The following PIAS3 variants were observed in gnomAD, a reference collection of about 807,000 sequenced individuals.
The protein encoded by PIAS3 is E3 SUMO-protein ligase PIAS3.
Under a neutral mutation model 67.6 loss-of-function variants are expected in PIAS3, and 34 were observed. That is an observed-to-expected ratio of 0.50 (90% CI 0.38 to 0.67). The LOEUF is 0.67. Ranked by LOEUF, PIAS3 falls within the 30% of genes least tolerant of loss-of-function variation. PIAS3 has a pLI of 0.00. For synonymous variants in PIAS3, 341 were observed against 313.8 expected, an observed-to-expected ratio of 1.09 and a Z score of -0.92; for missense variants, 693 against 791.6, an observed-to-expected ratio of 0.88 and a Z score of 1.49.
At chr1:145,858,568 G>A (rs148220219) in intron 1 of PIAS3, among the ~76,000 whole-genome samples, 1 of 147,182 alleles carries the variant, frequency 6.8e-6, no homozygotes, top group Admixed American at 6.8e-5. Flanking sequence ...CGTCTGCCCC[G>A]CGGTCCCATC....
At chr1:145,857,143 AT>A in intron 1 of PIAS3, 137 bp from the exon 2 acceptor site, 1 of 763,242 alleles carries the variant, frequency 1.3e-6, no homozygotes, top group African/African-American at 1.7e-5. Context: ...CAGCTAGTGG[AT>A]TACTGCCAGG....
In PIAS3 at chr1:145,850,210, T is replaced by C. The variant is rs1292853227; in HGVS notation, c.1620+22A>G. 6.8e-6 allele frequency: 11 copies of C among 1,613,996 alleles called. No homozygotes were observed. In the African/African-American group the frequency reaches 1.5e-4, roughly 22 times the overall value. On this transcript the variant is annotated intron_variant, in intron 13 of 13. Coordinates refer to ENST00000393045, the MANE Select transcript of PIAS3 (RefSeq NM_006099.3). The stretch of plus-strand genomic sequence containing the variant: ...AAGGAAGCTTCAGAGATCTGAGACC[T>C]TCTGAAGAAAGAACCACTTACCTGA...
chr1:145,849,527 G>T lies in PIAS3; in HGVS notation c.1806C>A (p.Ala602=). Residue 602 remains alanine, a synonymous_variant, in exon 14 of 14, where the codon GCC becomes GCA. Coordinates refer to ENST00000393045, the MANE Select transcript of PIAS3 (RefSeq NM_006099.3). ...RVSSIVAPGG[A]LREGHGGPLP... ...GGGGTCCTCCATGCCCCTCCCTCAAGGCCCCCCCAGGGGCCACAATGCTGC... is the reference window on the plus strand; with the variant it reads ...GGGGTCCTCCATGCCCCTCCCTCAATGCCCCCCCAGGGGCCACAATGCTGC... The T allele has an allele frequency of 6.3e-7, 1 of 1,580,772 alleles. No individual in the cohort carries two copies. The highest frequency in any genetic ancestry group is 8.6e-7 in the Non-Finnish European group (1 of 1,166,456).
rs782683908 is a variant in PIAS3, at chr1:145,856,897, A to G, written c.134T>C (p.Leu45Pro). Reference sequence around the variant, plus strand: ...GACACTAGGGGCACAGCTGGACTTCAGGAGGTGCAGAGCCTTGGCCAGGAG... The same window carrying G: ...GACACTAGGGGCACAGCTGGACTTCGGGAGGTGCAGAGCCTTGGCCAGGAG... ...HELLAKALHLLKSSCAPSVQM... is the reference protein window; with the variant it reads ...HELLAKALHLPKSSCAPSVQM... Residue 45 changes from leucine (L) to proline (P), a missense_variant, in exon 2 of 14, where the codon CTG (leucine) becomes CCG (proline). By Grantham distance (98) the Leu-to-Pro change is moderately conservative. Transcript: ENST00000393045. 6.2e-7 allele frequency: 1 copy of G among 1,614,170 alleles called. No homozygotes were observed. The highest frequency in any genetic ancestry group is 1.1e-5 in the South Asian group (1 of 91,086).
At chr1:145,856,234 G>A (rs1394561168) in intron 3 of PIAS3, 113 bp downstream of exon 3, 4 of 1,253,082 alleles carry the variant, frequency 3.2e-6, no homozygotes, top group Non-Finnish European at 4.7e-6. Flanking sequence ...ACACACAGAA[G>A]AACAAGAGAC....
Position 145,848,941 on chromosome 1 carries a change from G to C in PIAS3, c.*505C>G, listed in dbSNP as rs1415145059. 2 of 160,620 alleles carry C rather than the reference G, an allele frequency of 1.2e-5. No homozygotes were observed. The highest frequency in any genetic ancestry group is 2.7e-5 in the Non-Finnish European group (2 of 73,866). The allele number at this position is 160,620 out of a possible 1,614,324, so 9.9% of individuals were successfully genotyped here. ...TCCACAATCCAAAATAAAGTTCTCTGTCCATCTCTGAAACTGCCTGTCTCA... is the reference window on the plus strand; with the variant it reads ...TCCACAATCCAAAATAAAGTTCTCTCTCCATCTCTGAAACTGCCTGTCTCA... On this transcript the variant is annotated 3_prime_UTR_variant, in exon 14 of 14. Coordinates refer to ENST00000393045, the MANE Select transcript of PIAS3 (RefSeq NM_006099.3).
In PIAS3 at chr1:145,856,344, T is replaced by C; in HGVS notation, c.527+3A>G. 6.2e-7 allele frequency: 1 copy of C among 1,611,508 alleles called. No individual in the cohort carries two copies. Among genetic ancestry groups the C allele is most frequent in the Non-Finnish European group, 8.5e-7 (1 of 1,177,572 alleles). On this transcript the variant is annotated splice_donor_region_variant and intron_variant, in intron 3 of 13. Coordinates refer to ENST00000393045, the MANE Select transcript of PIAS3 (RefSeq NM_006099.3). Reference sequence around the variant, plus strand: ...TGAGGCAGGAAGACTGGAAGAGATGTACCTGGATGTAAGAATCTGCTGCAC... The same window carrying C: ...TGAGGCAGGAAGACTGGAAGAGATGCACCTGGATGTAAGAATCTGCTGCAC...
rs879968995 is a variant in PIAS3, at chr1:145,853,885, G to A, written c.912C>T (p.Ile304=). Residue 304 remains isoleucine (I), a splice_region_variant and synonymous_variant, in exon 8 of 14, where the codon ATC becomes ATT. Coordinates refer to ENST00000393045, the MANE Select transcript of PIAS3 (RefSeq NM_006099.3). ...IRNPDHSRAL[I]KEKLTADPDS... is the part of the protein sequence containing the mutation. ...CAGGGTCAGCAGTCAATTTCTCCTT[G>A]ACTGAAACAAAAGTGAGGCCAGAGC... is the stretch of plus-strand genomic sequence containing the variant. The A allele has an allele frequency of 6.2e-7, 1 of 1,613,784 alleles. No individual in the cohort carries two copies. The highest frequency in any genetic ancestry group is 1.1e-5 in the South Asian group (1 of 91,052).
At position 145,859,000 on chromosome 1, in the gene PIAS3, T is replaced by A; in HGVS notation, c.-10A>T. On this transcript the variant is annotated 5_prime_UTR_variant, in exon 1 of 14. An upstream start codon of the reference 5' UTR is lost. Transcript: ENST00000393045. Reference sequence around the variant, plus strand: ...CGCCCAGCTCCGCCATCTTGAGACATCGCAGGCGCCCCAGCCGGAGCCGGA... The same window carrying A: ...CGCCCAGCTCCGCCATCTTGAGACAACGCAGGCGCCCCAGCCGGAGCCGGA... The A allele has an allele frequency of 6.5e-7, 1 of 1,543,344 alleles. No homozygotes were observed. The highest frequency in any genetic ancestry group is 8.7e-7 in the Non-Finnish European group (1 of 1,145,844).
At chr1:145,853,409 CAAAAAAAAAAA>C (rs1184423864) in intron 9 of PIAS3, 84 bp downstream of exon 9, 2 of 689,930 alleles carry the variant, frequency 2.9e-6, no homozygotes, top group African/African-American at 5.6e-5. Context: ...GATTCCATCT[CAAAAAAAAAAA>C]AAAGAAAAGA....
Position 145,853,560 on chromosome 1 carries a change from T to G in PIAS3, c.1089A>C (p.Thr363=), listed in dbSNP as rs10910827. The part of the protein sequence containing the change: ...LYLQMNEKKP[T]WTCPVCDKKA... Reference sequence around the variant, plus strand: ...TCTTGTCACACACAGGACATGTCCATGTAGGCTTCTTCTCATTCATCTGTA... The same window carrying G: ...TCTTGTCACACACAGGACATGTCCAGGTAGGCTTCTTCTCATTCATCTGTA... The change falls in exon 9 of 14, where the codon ACA becomes ACC. Residue 363 remains threonine, a synonymous_variant. Transcript: ENST00000393045. 1.2e-6 allele frequency: 2 copies of G among 1,613,996 alleles called. No individual in the cohort carries two copies. The highest frequency in any genetic ancestry group is 2.7e-5 in the African/African-American group (2 of 74,896).
intron 1 of PIAS3, 138 bp downstream of exon 1, chr1:145,858,829 T>A: frequency 1.4e-6 from 1 of 731,242 alleles, no homozygotes; most frequent in East Asian, 3.6e-5. Flanking sequence ...CTCAGCTACT[T>A]CTCTCCCATC....
At chr1:145,856,149 A>G in intron 3 of PIAS3, 31 bp from the exon 4 acceptor site, 1 of 1,596,902 alleles carries the variant, frequency 6.3e-7, no homozygotes, top group Non-Finnish European at 8.6e-7. Flanking sequence ...AAGAGATGTC[A>G]GCATGTAGCC....
In PIAS3 at chr1:145,851,130, G is replaced by C. The variant is rs17354559; in HGVS notation, c.1169C>G (p.Ser390Cys). Reference protein sequence around the residue: ...IDGLFMEILSSCSDCDEIQFM... With the variant: ...IDGLFMEILSCCSDCDEIQFM... ...TTGGATCTCATCACAATCTGAACAG[G>C]AACTAAGAATCTCCATAAATAAACT... The change falls in exon 10 of 14, where the codon TCC (serine) becomes TGC (cysteine). Residue 390 changes from serine to cysteine, a missense_variant. Around this residue, in one of 3 missense-constraint regions of PIAS3, gnomAD observed 115 missense variants for 181.8 expected, o/e 0.63. Coordinates refer to ENST00000393045, the MANE Select transcript of PIAS3 (RefSeq NM_006099.3). 0.019 allele frequency: 30,414 copies of C among 1,613,960 alleles called. 355 individuals carry two copies. The highest frequency in any genetic ancestry group is 0.022 in the Non-Finnish European group (26,100 of 1,179,850).
chr1:145,855,052 T>G (rs893623871), intron 5 of PIAS3, among the ~76,000 whole-genome samples, 172 bp from the exon 6 acceptor site: 7 of 152,168 alleles, frequency 4.6e-5, no homozygotes, highest in Non-Finnish European at 7.4e-5. Flanking sequence ...ACTGGAGCAC[T>G]GTCTAGGGTT....
rs147505710 is a variant in PIAS3, at chr1:145,857,446, G to A, written c.25-440C>T. ...GAACAGGATAGGAGACAGGGAGAAGGAGGGAGAGACAAGAGGATTCAAGCC... is the reference window on the plus strand; with the variant it reads ...GAACAGGATAGGAGACAGGGAGAAGAAGGGAGAGACAAGAGGATTCAAGCC... On this transcript the variant is annotated intron_variant, in intron 1 of 13. Coordinates refer to ENST00000393045, the MANE Select transcript of PIAS3 (RefSeq NM_006099.3). 7.9e-4 allele frequency: 136 copies of A among 171,726 alleles called. 1 individual carries two copies. The highest frequency in any genetic ancestry group is 3.1e-3 in the African/African-American group (130 of 42,346). 10.6% of individuals were successfully genotyped at this position (171,726 alleles called of 1,614,324 possible). A position where few individuals can be genotyped will look rare whatever the true frequency, so the allele number is the denominator to read the frequency against.
chr1:145,857,156 AGTCGACCT>A, intron 1 of PIAS3, 150 bp from the exon 2 acceptor site: 1 of 711,632 alleles, frequency 1.4e-6, no homozygotes, highest in Non-Finnish European at 2.4e-6. Context: ...ACTGCCAGGT[AGTCGACCT>A]ATCCAAAGGG....
rs1464315034 is a variant in PIAS3 at position 145,858,817 on chromosome 1, C to T, written c.24+150G>A. 45 of 672,814 alleles carry T rather than the reference C, an allele frequency of 6.7e-5. No individual in the cohort carries two copies. In the South Asian group the frequency reaches 8.4e-4, roughly 13 times the overall value. The allele number at this position is 672,814 out of a possible 1,614,324, so 41.7% of individuals were successfully genotyped here. A position where few individuals can be genotyped will look rare whatever the true frequency, so the allele number is the denominator to read the frequency against. ...GAGCCCCGCCGCAGCCCCTTCCTCG[C>T]TCTCAGCTACTTCTCTCCCATCCTC... is the stretch of plus-strand genomic sequence containing the variant. On this transcript the variant is annotated intron_variant, in intron 1 of 13. Transcript: ENST00000393045.
chr1:145,857,391 C>CA (rs1653235414), intron 1 of PIAS3: 1 of 228,984 alleles, frequency 4.4e-6, no homozygotes, highest in African/African-American at 2.2e-5. Flanking sequence ...TGCCCTTTCT[C>CA]AGACTCTCAA....
Sources: allele counts gnomAD v4.1 joint callset (sites outside exome capture counted in the v4.1 genomes callset), GRCh38; gene constraint gnomAD v4.1.1; regional missense constraint gnomAD v4.1.1; transcripts MANE v1.5; gene names NCBI Gene and HGNC (gene_info 2026-07-23, HGNC 2026-07-21).